Variants in TNIK observed in about 807,000 individuals in gnomAD.
The protein encoded by TNIK is TRAF2 and NCK interacting kinase, also known as TRAF2 and NCK-interacting protein kinase.
Under a neutral mutation model 191.3 loss-of-function variants are expected in TNIK, and 49 were observed. The ratio of observed to expected loss-of-function variants is 0.26; its 90% CI spans 0.20 to 0.32. The LOEUF (loss-of-function observed/expected upper bound fraction) is 0.32, where lower values mean the gene tolerates loss of function less well. TNIK is among the 10% of genes least tolerant of loss of function. The probability of loss-of-function intolerance (pLI) is 1.00; values close to 1 mark genes in which losing one functional copy is unlikely to be tolerated. For missense variants in TNIK, 1,155 were observed against 1,702.3 expected (o/e 0.68, Z 5.66); for synonymous variants, 594 against 600.9 (o/e 0.99, Z 0.17).
intron 7 of TNIK, among the ~76,000 whole-genome samples, 183 bp downstream of exon 7, chr3:171,188,519 A>AT (rs900739456): frequency 1.3e-5 from 2 of 152,224 alleles, no homozygotes; most frequent in African/African-American, 4.8e-5. Context: ...AGGCCATCAG[A>AT]TAAGATGGGT....
chr3:171,188,711 A>G lies in TNIK; in HGVS notation c.630T>C (p.Tyr210=). 1 of 1,613,456 alleles carries G rather than the reference A, an allele frequency of 6.2e-7. No individual in the cohort carries two copies. The highest frequency in any genetic ancestry group is 8.5e-7 in the Non-Finnish European group (1 of 1,179,454). Reference sequence around the variant, plus strand: ...GACAAAGAAGCCATACCTTGAAATCATATGTGGCATCTGGGTTTTCATCAC... The same window carrying G: ...GACAAAGAAGCCATACCTTGAAATCGTATGTGGCATCTGGGTTTTCATCAC... ...IACDENPDAT[Y]DFKSDLWSLG... is the part of the protein sequence containing the mutation. Residue 210 remains tyrosine (Y), a synonymous_variant, in exon 7 of 33, where the codon TAT becomes TAC. Coordinates refer to ENST00000436636, the MANE Select transcript of TNIK (RefSeq NM_015028.4).
chr3:171,336,529 T>C (rs546134840), intron 2 of TNIK, among the ~76,000 whole-genome samples: 1 of 152,184 alleles, frequency 6.6e-6, no homozygotes, highest in Non-Finnish European at 1.5e-5. Context: ...CATAAACAGC[T>C]CTGAGGAAAG....
At chr3:171,213,372 C>T (rs968969801) in intron 3 of TNIK, among the ~76,000 whole-genome samples, 4 of 152,090 alleles carry the variant, frequency 2.6e-5, no homozygotes, top group Admixed American at 6.6e-5. Flanking sequence ...AAGGCAACTA[C>T]GTGAGGTAAT....
chr3:171,161,201 G>T, intron 11 of TNIK, 69 bp downstream of exon 11: 1 of 1,517,576 alleles, frequency 6.6e-7, no homozygotes, highest in South Asian at 1.2e-5. Flanking sequence ...TAAATCAAAA[G>T]GAAAGTGAAT....
chr3:171,245,582 T>A (rs1377967072), intron 2 of TNIK, among the ~76,000 whole-genome samples: 2 of 149,992 alleles, frequency 1.3e-5, no homozygotes, highest in African/African-American at 2.5e-5. Context: ...AAAAAAAAAA[T>A]AGATCCTCAA....
chr3:171,185,023 T>G (rs1225126134), intron 7 of TNIK, among the ~76,000 whole-genome samples: 1 of 152,194 alleles, frequency 6.6e-6, no homozygotes, highest in African/African-American at 2.4e-5. Flanking sequence ...GTGCATCTCT[T>G]ACTTCATTGG....
chr3:171,179,453 G>GT (rs113707866), intron 7 of TNIK, among the ~76,000 whole-genome samples: 2,250 of 146,068 alleles, frequency 0.015, 44 homozygotes, highest in African/African-American at 0.049. Context: ...TGGGTTTTTT[G>GT]TTTTTTTTTT....
At chr3:171,430,575 G>C (rs931102867) in intron 1 of TNIK, among the ~76,000 whole-genome samples, 1 of 147,954 alleles carries the variant, frequency 6.8e-6, no homozygotes, top group Non-Finnish European at 1.5e-5. Flanking sequence ...GGAATTTGAG[G>C]TTGCAGTGAA....
At chr3:171,459,698 A>ACACACACACACG (rs1274651963) in intron 1 of TNIK, among the ~76,000 whole-genome samples, 2 of 151,772 alleles carry the variant, frequency 1.3e-5, no homozygotes, top group Non-Finnish European at 2.9e-5. Flanking sequence ...ACACACACAC[A>ACACACACACACG]CACACGCACA....
chr3:171,404,786 G>T (rs574904193), intron 1 of TNIK, among the ~76,000 whole-genome samples: 44 of 152,264 alleles, frequency 2.9e-4, no homozygotes, highest in Middle Eastern at 6.8e-3. Context: ...GCTCATAATT[G>T]ACAGAACTTG....
At position 171,283,123 on chromosome 3, in the gene TNIK, A is replaced by T. The variant is rs190393718; in HGVS notation, c.124-54902T>A. On this transcript the variant is annotated intron_variant, in intron 2 of 32. Transcript: ENST00000436636. ...TGGATATTTTCCACAGTTTCTTGTC[A>T]GGAGGTGGGCAGAGAAGTTAAATTT... 2.6e-3 allele frequency among the ~76,000 whole-genome samples: 397 copies of T among 151,656 alleles called. 1 individual carries two copies. The highest frequency in any genetic ancestry group is 8.6e-3 in the African/African-American group (354 of 41,342).
intron 26 of TNIK, 152 bp from the exon 27 acceptor site, chr3:171,082,546 C>T: frequency 1.2e-6 from 1 of 850,680 alleles, no homozygotes; most frequent in Non-Finnish European, 1.7e-6. Flanking sequence ...GAAGCTCTGA[C>T]ATAATAATTA....
chr3:171,308,293 T>G (rs1753675174), intron 2 of TNIK, among the ~76,000 whole-genome samples: 1 of 152,108 alleles, frequency 6.6e-6, no homozygotes, highest in African/African-American at 2.4e-5. Context: ...CACCTGATCT[T>G]TGACGAAGCT....
Position 171,197,002 on chromosome 3 carries a change from G to A in TNIK, c.307-2367C>T, listed in dbSNP as rs368016418. Among the ~76,000 whole-genome samples the A allele has an allele frequency of 1.6e-4, 24 of 152,278 alleles. 1 individual carries two copies. The East Asian group carries it at 3.1e-3, about 20-fold the overall frequency. On this transcript the variant is annotated intron_variant, in intron 4 of 32. Coordinates refer to ENST00000436636, the MANE Select transcript of TNIK (RefSeq NM_015028.4). ...GATCTCCTGACTTTGTGATCCGCCC[G>A]CCTCGGCCTCCCAAAGTGTTGGGAT...
intron 15 of TNIK, 31 bp from the exon 16 acceptor site, chr3:171,128,909 A>G: frequency 6.7e-7 from 1 of 1,493,204 alleles, no homozygotes; most frequent in Non-Finnish European, 8.9e-7. Context: ...AAAAAAAAAG[A>G]CAGCCTCAAT....
At chr3:171,187,909 A>C (rs1317777278) in intron 7 of TNIK, among the ~76,000 whole-genome samples, 1 of 152,208 alleles carries the variant, frequency 6.6e-6, no homozygotes, top group African/African-American at 2.4e-5. Flanking sequence ...CCTAATGCAC[A>C]GCCTGGAAAC....
intron 3 of TNIK, among the ~76,000 whole-genome samples, chr3:171,223,624 T>C (rs562398070): frequency 6.6e-6 from 1 of 152,306 alleles, no homozygotes; most frequent in South Asian, 2.1e-4. Flanking sequence ...TTAAAATGCC[T>C]GGCTTTCACA....
intron 2 of TNIK, among the ~76,000 whole-genome samples, chr3:171,241,179 C>T (rs1186189989): frequency 1.3e-5 from 2 of 151,970 alleles, no homozygotes; most frequent in African/African-American, 4.8e-5. Context: ...TACAGGTGCG[C>T]ACCACCACAC....
At chr3:171,104,672 A>G (rs1449150379) in intron 21 of TNIK, among the ~76,000 whole-genome samples, 1 of 152,244 alleles carries the variant, frequency 6.6e-6, no homozygotes, top group Non-Finnish European at 1.5e-5. Context: ...AATAAATATT[A>G]GTTCAATTTT....
Sources: allele counts gnomAD v4.1 joint callset (sites outside exome capture counted in the v4.1 genomes callset), GRCh38; gene constraint gnomAD v4.1.1; transcripts MANE v1.5; gene names NCBI Gene and HGNC (gene_info 2026-07-23, HGNC 2026-07-21).